Variants in RSPO4 observed in about 807,000 individuals in gnomAD.
RSPO4 encodes R-spondin-4.
RSPO4 carries 23 observed loss-of-function variants against 24.8 expected under a neutral mutation model. The observed-to-expected ratio is 0.93, with a 90% CI of 0.67 to 1.31. The LOEUF (loss-of-function observed/expected upper bound fraction) is 1.31, where lower values mean the gene tolerates loss of function less well. Among genes scored for constraint, RSPO4 ranks in the 40% most tolerant of loss-of-function variants. The probability of loss-of-function intolerance (pLI) is 0.00; values close to 1 mark genes in which losing one functional copy is unlikely to be tolerated. For synonymous variants in RSPO4, 141 were observed against 127.4 expected, an observed-to-expected ratio of 1.11 and a Z score of -0.72; for missense variants, 333 against 316.5, an observed-to-expected ratio of 1.05 and a Z score of -0.39.
At chr20:985,359 T>C (rs1187699853) in intron 1 of RSPO4, among the ~76,000 whole-genome samples, 1 of 150,934 alleles carries the variant, frequency 6.6e-6, no homozygotes, top group African/African-American at 2.4e-5. Flanking sequence ...CATCCATCCA[T>C]TCAGCAGATA....
At position 964,078 on chromosome 20, in the gene RSPO4, G is replaced by A; in HGVS notation, c.452C>T (p.Thr151Ile). The A allele has an allele frequency of 6.2e-7, 1 of 1,613,704 alleles. No homozygotes were observed. Residue 151 changes from threonine (T) to isoleucine (I), a missense_variant, in exon 4 of 5, where the codon ACA becomes ATA. Transcript: ENST00000217260. ...CGAGCCGCAGGTCTTTCCATTGTGTGTGCAGGGGCTCCAGCCGCCCCAGGG... is the reference window on the plus strand; with the variant it reads ...CGAGCCGCAGGTCTTTCCATTGTGTATGCAGGGGCTCCAGCCGCCCCAGGG... ...LGPWGGWSPCTHNGKTCGSAW... is the reference protein window; with the variant it reads ...LGPWGGWSPCIHNGKTCGSAW...
intron 1 of RSPO4, among the ~76,000 whole-genome samples, chr20:999,189 A>G (rs1030102169): frequency 6.6e-6 from 1 of 151,972 alleles, no homozygotes; most frequent in African/African-American, 2.4e-5. Flanking sequence ...TAGAGACAAA[A>G]AATGTATTTT....
At chr20:961,336 CGAT>C (rs1166654629) in intron 4 of RSPO4, among the ~76,000 whole-genome samples, 1 of 152,194 alleles carries the variant, frequency 6.6e-6, no homozygotes. Flanking sequence ...CATTTGAACA[CGAT>C]GAACCTGAGG....
At chr20:963,683 G>T (rs1219373337) in intron 4 of RSPO4, among the ~76,000 whole-genome samples, 3 of 152,146 alleles carry the variant, frequency 2.0e-5, no homozygotes, top group Admixed American at 2.0e-4. Context: ...TAAAAGGGGG[G>T]TGTTCAGTTT....
Position 960,473 on chromosome 20 carries a change from T to C in RSPO4, c.596-7A>G, listed in dbSNP as rs1600086080. 6.5e-7 allele frequency: 1 copy of C among 1,530,786 alleles called. No homozygotes were observed. The highest frequency in any genetic ancestry group is 8.8e-7 in the Non-Finnish European group (1 of 1,139,706). The allele number at this position is 1,530,786 out of a possible 1,614,324, so 94.8% of individuals were successfully genotyped here. A position where few individuals can be genotyped will look rare whatever the true frequency, so the allele number is the denominator to read the frequency against. On this transcript the variant is annotated splice_region_variant and splice_polypyrimidine_tract_variant and intron_variant, in intron 4 of 4. Transcript: ENST00000217260. ...TTCTGGCCGGGGCTCCTCTCTGCAA[T>C]GAGAGGACAGAGCCCGGTGACCAAG...
chr20:970,127 C>T lies in RSPO4; in HGVS notation c.80-1989G>A, dbSNP rs538024201. Among the ~76,000 whole-genome samples the T allele has an allele frequency of 2.6e-5, 4 of 152,230 alleles. No individual in the cohort carries two copies. Among genetic ancestry groups the T allele is most frequent in the South Asian group, 2.1e-4 (1 of 4,816 alleles). ...CAGCAGGTGAGAGCTAACGAAAGCC[C>T]GGTCAGATACACATTCTGGTGACTC... On this transcript the variant is annotated intron_variant, in intron 1 of 4. Coordinates refer to ENST00000217260, the MANE Select transcript of RSPO4 (RefSeq NM_001029871.4). The surrounding 1 kb of genome is among the most constrained non-coding windows in gnomAD (Gnocchi z 4.1).
chr20:982,147 C>A (rs942448307), intron 1 of RSPO4, among the ~76,000 whole-genome samples: 1 of 152,102 alleles, frequency 6.6e-6, no homozygotes, highest in Non-Finnish European at 1.5e-5. Context: ...CAGATGAGTT[C>A]GGGACCGGGG....
chr20:975,972 T>C (rs1984549892), intron 1 of RSPO4, among the ~76,000 whole-genome samples: 2 of 152,166 alleles, frequency 1.3e-5, no homozygotes, highest in East Asian at 1.9e-4. Context: ...TTGAGAATGA[T>C]GTGTTTTCTG....
intron 2 of RSPO4, among the ~76,000 whole-genome samples, 176 bp downstream of exon 2, chr20:967,774 G>A (rs1478169338): frequency 1.3e-5 from 2 of 152,234 alleles, no homozygotes; most frequent in African/African-American, 4.8e-5. Context: ...AAGGCTGAGA[G>A]CGGACTGACT....
chr20:989,126 A>C (rs1985013941), intron 1 of RSPO4, among the ~76,000 whole-genome samples: 1 of 152,094 alleles, frequency 6.6e-6, no homozygotes, highest in Admixed American at 6.6e-5. Context: ...TGGCTCCCTA[A>C]GTCGTTTTCC....
chr20:989,458 C>T (rs779083408), intron 1 of RSPO4, among the ~76,000 whole-genome samples: 6 of 152,186 alleles, frequency 3.9e-5, no homozygotes, highest in Non-Finnish European at 5.9e-5. Context: ...GTAGGAGGAT[C>T]CTAAGGTTGT....
chr20:961,050 T>A (rs1327819782), intron 4 of RSPO4, among the ~76,000 whole-genome samples: 1 of 152,214 alleles, frequency 6.6e-6, no homozygotes, highest in East Asian at 1.9e-4. Flanking sequence ...CCTCTCTTTC[T>A]CTCCACCCTT....
intron 1 of RSPO4, among the ~76,000 whole-genome samples, chr20:975,486 G>T (rs1452124927): frequency 6.6e-6 from 1 of 152,158 alleles, no homozygotes; most frequent in East Asian, 1.9e-4. Flanking sequence ...GCCCTGTGTT[G>T]CTCCAGCAGC....
chr20:992,914 G>T (rs1047224078), intron 1 of RSPO4, among the ~76,000 whole-genome samples: 55 of 152,244 alleles, frequency 3.6e-4, no homozygotes, highest in African/African-American at 1.3e-3. Flanking sequence ...CAGCCAGTAA[G>T]TGGCAGAGCC....
intron 1 of RSPO4, among the ~76,000 whole-genome samples, chr20:973,881 G>A (rs1324811395): frequency 1.3e-5 from 2 of 152,142 alleles, no homozygotes; most frequent in Non-Finnish European, 2.9e-5. Flanking sequence ...CCTCGACCCT[G>A]GCAGTTGGCT....
At chr20:995,455 A>G (rs1985245133) in intron 1 of RSPO4, among the ~76,000 whole-genome samples, 1 of 152,192 alleles carries the variant, frequency 6.6e-6, no homozygotes, top group Admixed American at 6.5e-5. Flanking sequence ...ACCAAAGGAA[A>G]GGAGCGTGCA....
chr20:983,677 T>G (rs1179830659), intron 1 of RSPO4, among the ~76,000 whole-genome samples: 6 of 152,196 alleles, frequency 3.9e-5, no homozygotes. Context: ...ATAACGACTA[T>G]GCTCACATGT....
chr20:983,802 G>GC (rs1568923655), intron 1 of RSPO4, among the ~76,000 whole-genome samples: 1 of 152,290 alleles, frequency 6.6e-6, no homozygotes, highest in East Asian at 1.9e-4. Context: ...TCTTTCACAG[G>GC]CCAGACTGCC....
chr20:968,620 G>T (rs978632728), intron 1 of RSPO4, among the ~76,000 whole-genome samples: 1 of 152,226 alleles, frequency 6.6e-6, no homozygotes, highest in African/African-American at 2.4e-5. Flanking sequence ...ACTGTTATTT[G>T]AAGTTTTCCA....
Sources: allele counts gnomAD v4.1 joint callset (sites outside exome capture counted in the v4.1 genomes callset), GRCh38; gene constraint gnomAD v4.1.1; non-coding constraint Gnocchi (gnomAD v3.1); transcripts MANE v1.5; gene names NCBI Gene and HGNC (gene_info 2026-07-23, HGNC 2026-07-21).